KIF1A: variants seen among roughly 807,000 people sequenced by gnomAD.
The protein encoded by KIF1A is kinesin-like protein KIF1A.
Under a neutral mutation model 227.3 loss-of-function variants are expected in KIF1A, and 46 were observed. The observed-to-expected ratio is 0.20, with a 90% CI of 0.16 to 0.26. KIF1A has a LOEUF of 0.26. Among genes scored for constraint, KIF1A ranks in the 10% least tolerant of loss-of-function variants. The pLI, the probability that KIF1A is intolerant of heterozygous loss-of-function variation, is 1.00. For synonymous variants in KIF1A, 1,022 were observed against 1,012.8 expected (o/e 1.01, Z -0.17); for missense variants, 1,683 against 2,485.9 (o/e 0.68, Z 6.87).
intron 38 of KIF1A, among the ~76,000 whole-genome samples, chr2:240,731,011 C>T (rs1158021788): frequency 6.6e-6 from 1 of 152,222 alleles, no homozygotes; most frequent in African/African-American, 2.4e-5. Context: ...CCTGACTGAG[C>T]CCTGCCCTGG....
intron 1 of KIF1A, among the ~76,000 whole-genome samples, chr2:240,817,197 A>G (rs970354305): frequency 3.3e-5 from 5 of 152,290 alleles, no homozygotes; most frequent in Non-Finnish European, 1.5e-5. Context: ...CGCAGGCCCA[A>G]CGCTGCCTGG....
chr2:240,767,100 C>A, intron 18 of KIF1A, 79 bp from the exon 19 acceptor site: 7 of 1,251,934 alleles, frequency 5.6e-6, no homozygotes, highest in Non-Finnish European at 5.7e-6. Context: ...TCCAGGGACG[C>A]CCAACCAGGA....
rs747993082 is a variant in KIF1A at position 240,765,752 on chromosome 2, C to T, written c.1726G>A (p.Val576Ile). ...GGCTCTGTGACTTTCTTGCCATTGA[C>T]GTAGGTGTCTGCCCCCTCACAGGGC... Reference protein sequence around the residue: ...LEPCEGADTYVNGKKVTEPSI... With the variant: ...LEPCEGADTYINGKKVTEPSI... The change falls in exon 20 of 49, where the codon GTC becomes ATC. Residue 576 changes from valine (V) to isoleucine (I), a missense_variant. Transcript: ENST00000498729. 4.3e-6 allele frequency: 7 copies of T among 1,613,574 alleles called. No homozygotes were observed. The highest frequency in any genetic ancestry group is 5.9e-6 in the Non-Finnish European group (7 of 1,179,850).
intron 32 of KIF1A, among the ~76,000 whole-genome samples, chr2:240,744,825 C>A (rs1322637903): frequency 2.0e-5 from 3 of 152,200 alleles, no homozygotes; most frequent in Non-Finnish European, 4.4e-5. Flanking sequence ...CAGGTTATCA[C>A]CCCTGCCAAA....
chr2:240,771,204 G>T (rs570118198), intron 14 of KIF1A, 100 bp from the exon 15 acceptor site: 8 of 1,435,940 alleles, frequency 5.6e-6, no homozygotes, highest in Non-Finnish European at 7.8e-6. Context: ...GGTAGGGCGG[G>T]CAGACAGACA....
At position 240,778,896 on chromosome 2, in the gene KIF1A, C is replaced by T. The variant is rs1374193961; in HGVS notation, c.883-2970G>A. 6.6e-6 allele frequency among the ~76,000 whole-genome samples: 1 copy of T among 152,100 alleles called. No homozygotes were observed. The highest frequency in any genetic ancestry group is 1.5e-5 in the Non-Finnish European group (1 of 68,016). ...ACGCCATCCCCAATGCGGGTGCACA[C>T]ACACTTTCCACACACTTCCTCAGGC... On this transcript the variant is annotated intron_variant, in intron 10 of 48. Coordinates refer to ENST00000498729, the MANE Select transcript of KIF1A (RefSeq NM_001244008.2). This position sits in a 1 kb window ranked among gnomAD's most constrained non-coding sequence, Gnocchi z 7.2.
At chr2:240,795,399 C>T (rs944157841) in intron 2 of KIF1A, among the ~76,000 whole-genome samples, 1 of 152,212 alleles carries the variant, frequency 6.6e-6, no homozygotes, top group Non-Finnish European at 1.5e-5. Flanking sequence ...GCTCCTAAGC[C>T]GTGGGGTAAA....
At position 240,754,031 on chromosome 2, in the gene KIF1A, A is replaced by C. The variant is rs1440534034; in HGVS notation, c.2858+3288T>G. On this transcript the variant is annotated intron_variant, in intron 27 of 48. Transcript: ENST00000498729. ...TTATCACAGCTGATTGATTAAGCAG[A>C]TCGATTGTTTCATGCTTTTTTGGAC... Among the ~76,000 whole-genome samples the C allele has an allele frequency of 3.9e-5, 6 of 152,178 alleles. 1 individual carries two copies. The highest frequency in any genetic ancestry group is 2.6e-4 in the Admixed American group (4 of 15,278).
chr2:240,814,923 G>T (rs75524095), intron 1 of KIF1A, among the ~76,000 whole-genome samples: 11,905 of 152,204 alleles, frequency 0.078, 666 homozygotes, highest in African/African-American at 0.14. Context: ...TCTCTAAAAT[G>T]AAATAAAATA....
At chr2:240,750,572 C>A in intron 27 of KIF1A, 25 bp from the exon 28 acceptor site, 1 of 1,527,794 alleles carries the variant, frequency 6.5e-7, no homozygotes, top group South Asian at 1.1e-5. Context: ...AGGCGGCGGT[C>A]ATGGGCCACC....
At chr2:240,772,726 T>C in intron 13 of KIF1A, 130 bp from the exon 14 acceptor site, 1 of 718,538 alleles carries the variant, frequency 1.4e-6, no homozygotes, top group Non-Finnish European at 2.4e-6. Flanking sequence ...ACAAGCAGGG[T>C]GGTGAAGGTC....
chr2:240,744,601 G>A (rs948608714), intron 32 of KIF1A, among the ~76,000 whole-genome samples: 5 of 152,182 alleles, frequency 3.3e-5, no homozygotes, highest in African/African-American at 7.2e-5. Flanking sequence ...CCAGGCACAC[G>A]CAGAGGGGGA....
rs1158707002 is a variant in KIF1A, at chr2:240,752,570, G to C, written c.2859-2023C>G. Among the ~76,000 whole-genome samples the C allele has an allele frequency of 6.6e-6, 1 of 152,132 alleles. No homozygotes were observed. The highest frequency in any genetic ancestry group is 2.4e-5 in the African/African-American group (1 of 41,434). On this transcript the variant is annotated intron_variant, in intron 27 of 48. Coordinates refer to ENST00000498729, the MANE Select transcript of KIF1A (RefSeq NM_001244008.2). The surrounding 1 kb of genome is among the most constrained non-coding windows in gnomAD (Gnocchi z 6.4). ...CCAGGAGTGGGGGTGGGGAGAGCCA[G>C]AACTTGGGCCGCCAGACAGCACGGC...
At chr2:240,814,446 A>C (rs1448649825) in intron 1 of KIF1A, among the ~76,000 whole-genome samples, 1 of 152,084 alleles carries the variant, frequency 6.6e-6, no homozygotes, top group Non-Finnish European at 1.5e-5. Flanking sequence ...AAACACTCTC[A>C]CACACCAAAG....
chr2:240,751,963 C>A (rs1258215711), intron 27 of KIF1A, among the ~76,000 whole-genome samples: 1 of 152,186 alleles, frequency 6.6e-6, no homozygotes, highest in African/African-American at 2.4e-5. Context: ...ATCCTCATGG[C>A]ACCTCCCTCG....
rs945147017 is a variant in KIF1A, at chr2:240,725,606, C to T, written c.4123-202G>A. 1.5e-4 allele frequency: 90 copies of T among 583,510 alleles called. No individual in the cohort carries two copies. The highest frequency in any genetic ancestry group is 1.5e-4 in the Non-Finnish European group (49 of 333,810). 36.1% of individuals were successfully genotyped at this position (583,510 alleles called of 1,614,324 possible). A position where few individuals can be genotyped will look rare whatever the true frequency, so the allele number is the denominator to read the frequency against. On this transcript the variant is annotated intron_variant, in intron 39 of 48. Coordinates refer to ENST00000498729, the MANE Select transcript of KIF1A (RefSeq NM_001244008.2). This position sits in a 1 kb window ranked among gnomAD's most constrained non-coding sequence, Gnocchi z 5.8. Reference sequence around the variant, plus strand: ...AAACCCCACTGGGGACAGGTAGCCACAGCTCTGTCCACCCCTGGGCTGCCT... The same window carrying T: ...AAACCCCACTGGGGACAGGTAGCCATAGCTCTGTCCACCCCTGGGCTGCCT...
intron 1 of KIF1A, among the ~76,000 whole-genome samples, chr2:240,810,567 T>C (rs1207691332): frequency 6.6e-6 from 1 of 152,182 alleles, no homozygotes; most frequent in African/African-American, 2.4e-5. Flanking sequence ...AGAGATGCTA[T>C]ACATATTCAC....
chr2:240,746,880 C>T (rs1280089722), intron 29 of KIF1A, among the ~76,000 whole-genome samples: 3 of 152,144 alleles, frequency 2.0e-5, no homozygotes, highest in Non-Finnish European at 2.9e-5. Flanking sequence ...GGGAACGCGC[C>T]GTACTGTGGG....
Position 240,758,353 on chromosome 2 carries a change from C to T in KIF1A, c.2582+7G>A, listed in dbSNP as rs781439626. Reference sequence around the variant, plus strand: ...TCTCTCTGCCAAGGAAGGGAGGAGGCGCCCACCTGCCCACCAGCCGGAACC... The same window carrying T: ...TCTCTCTGCCAAGGAAGGGAGGAGGTGCCCACCTGCCCACCAGCCGGAACC... On this transcript the variant is annotated splice_region_variant and intron_variant, in intron 26 of 48. Transcript: ENST00000498729. The surrounding 1 kb of genome is among the most constrained non-coding windows in gnomAD (Gnocchi z 5.2). 54 of 1,607,360 alleles carry T rather than the reference C, an allele frequency of 3.4e-5. 1 individual carries two copies. The South Asian group carries it at 3.8e-4, about 11-fold the overall frequency.
Sources: allele counts gnomAD v4.1 joint callset (sites outside exome capture counted in the v4.1 genomes callset), GRCh38; gene constraint gnomAD v4.1.1; non-coding constraint Gnocchi (gnomAD v3.1); transcripts MANE v1.5; gene names NCBI Gene and HGNC (gene_info 2026-07-23, HGNC 2026-07-21).